The following TMEM132D variants were observed in gnomAD, a reference collection of about 807,000 sequenced individuals.
TMEM132D encodes transmembrane protein 132D, also known as mature OL transmembrane protein.
A neutral mutation model predicts 62.3 loss-of-function variants in TMEM132D; 21 were observed. The ratio of observed to expected loss-of-function variants is 0.34; its 90% CI spans 0.24 to 0.49. TMEM132D has a LOEUF of 0.49. Among genes scored for constraint, TMEM132D ranks in the 20% least tolerant of loss-of-function variants. The pLI is 0.99. For missense variants in TMEM132D, 1,346 were observed against 1,402.8 expected, an observed-to-expected ratio of 0.96 and a Z score of 0.65; for synonymous variants, 621 against 575.6, an observed-to-expected ratio of 1.08 and a Z score of -1.13.
intron 3 of TMEM132D, among the ~76,000 whole-genome samples, chr12:129,445,585 G>T (rs1462173101): frequency 6.6e-6 from 1 of 152,104 alleles, no homozygotes; most frequent in Admixed American, 6.6e-5. Flanking sequence ...AAGGAGAGAG[G>T]TGAAATTATA....
At chr12:129,812,700 T>C (rs1468515698) in intron 1 of TMEM132D, among the ~76,000 whole-genome samples, 1 of 151,780 alleles carries the variant, frequency 6.6e-6, no homozygotes, top group African/African-American at 2.4e-5. Flanking sequence ...AAATCTATAA[T>C]GCCACAAATT....
intron 2 of TMEM132D, among the ~76,000 whole-genome samples, chr12:129,668,531 A>T (rs1276428313): frequency 6.6e-6 from 1 of 151,898 alleles, no homozygotes; most frequent in Non-Finnish European, 1.5e-5. Flanking sequence ...AACTTCTAGG[A>T]CTCTCATGGA....
At chr12:129,200,978 T>C (rs1593294111) in intron 5 of TMEM132D, among the ~76,000 whole-genome samples, 2 of 152,206 alleles carry the variant, frequency 1.3e-5, no homozygotes, top group Admixed American at 6.5e-5. Flanking sequence ...CTTAGGAGAA[T>C]GTGTCAAGCT....
At chr12:129,495,619 G>A (rs1158599682) in intron 3 of TMEM132D, among the ~76,000 whole-genome samples, 1 of 152,150 alleles carries the variant, frequency 6.6e-6, no homozygotes, top group Middle Eastern at 3.2e-3. Context: ...CCCGAGTCAC[G>A]TCCCTTTCTC....
At chr12:129,876,352 C>G (rs1166133126) in intron 1 of TMEM132D, among the ~76,000 whole-genome samples, 1 of 152,154 alleles carries the variant, frequency 6.6e-6, no homozygotes, top group Non-Finnish European at 1.5e-5. Context: ...AACAAGCAAA[C>G]CATTATTTCC....
At chr12:129,433,639 G>A (rs1872719423) in intron 3 of TMEM132D, among the ~76,000 whole-genome samples, 1 of 152,172 alleles carries the variant, frequency 6.6e-6, no homozygotes, top group South Asian at 2.1e-4. Flanking sequence ...ATTTAGAGAA[G>A]CAAGAGTATC....
In TMEM132D at chr12:129,888,613, A is replaced by G. The variant is rs181289929; in HGVS notation, c.79+14648T>C. Among the ~76,000 whole-genome samples the G allele has an allele frequency of 1.6e-3, 238 of 152,322 alleles. 1 individual carries two copies. Among genetic ancestry groups the G allele is most frequent in the Admixed American group, 2.4e-3 (37 of 15,302 alleles). On this transcript the variant is annotated intron_variant, in intron 1 of 8. Transcript: ENST00000422113. ...CAGCTACTCAGGAGGCTGAGGCAGG[A>G]GAATCACTTGAACCCAGGAGACAGA...
chr12:129,334,490 TG>T (rs753080601), intron 4 of TMEM132D, among the ~76,000 whole-genome samples: 5 of 152,220 alleles, frequency 3.3e-5, no homozygotes, highest in Non-Finnish European at 5.9e-5. Context: ...CACCTTGCTC[TG>T]GGAAGACTCA....
At chr12:129,489,493 T>C (rs1490612588) in intron 3 of TMEM132D, among the ~76,000 whole-genome samples, 1 of 152,242 alleles carries the variant, frequency 6.6e-6, no homozygotes, top group Non-Finnish European at 1.5e-5. Context: ...TACAATAAAA[T>C]GATAAAGAAT....
chr12:129,504,054 C>G (rs1875254218), intron 3 of TMEM132D, among the ~76,000 whole-genome samples: 1 of 151,898 alleles, frequency 6.6e-6, no homozygotes, highest in South Asian at 2.1e-4. Context: ...TCATCATCAT[C>G]ATTGTCATCA....
intron 1 of TMEM132D, among the ~76,000 whole-genome samples, chr12:129,767,148 C>T (rs969212124): frequency 1.3e-5 from 2 of 152,208 alleles, no homozygotes; most frequent in Non-Finnish European, 2.9e-5. Context: ...AGCCAAGAAG[C>T]TGCCCTGTAT....
At chr12:129,079,007 T>C (rs900897380) in intron 7 of TMEM132D, among the ~76,000 whole-genome samples, 1 of 152,070 alleles carries the variant, frequency 6.6e-6, no homozygotes. Context: ...CCCACCATGC[T>C]CCATCCTGGA....
intron 1 of TMEM132D, among the ~76,000 whole-genome samples, chr12:129,815,035 G>A (rs1872304747): frequency 6.6e-6 from 1 of 152,114 alleles, no homozygotes; most frequent in East Asian, 1.9e-4. Context: ...TCTCCCTCAT[G>A]AGCTTAAGAG....
At chr12:129,586,957 TA>T (rs1878047714) in intron 2 of TMEM132D, among the ~76,000 whole-genome samples, 2 of 152,160 alleles carry the variant, frequency 1.3e-5, no homozygotes, top group Admixed American at 1.3e-4. Flanking sequence ...ACAGTCAAAA[TA>T]CATTAATCCC....
intron 1 of TMEM132D, among the ~76,000 whole-genome samples, chr12:129,794,076 GTTT>G (rs71082755): frequency 6.9e-6 from 1 of 145,504 alleles, no homozygotes. Context: ...AAGTGTATGG[GTTT>G]TTTTTTTTCT....
Position 129,491,941 on chromosome 12 carries a change from C to CAAAAA in TMEM132D, c.1115+39113_1115+39117dup, listed in dbSNP as rs10673817. ...TGGGAAAGAGAGTGAGATTCTGTCT[C>CAAAAA]AAAAAAAAAAAATTGCTTATTGGAA... is the stretch of plus-strand genomic sequence containing the variant. On this transcript the variant is annotated intron_variant, in intron 3 of 8. Coordinates refer to ENST00000422113, the MANE Select transcript of TMEM132D (RefSeq NM_133448.3). Among the ~76,000 whole-genome samples, 151 of 149,282 alleles carry CAAAAA rather than the reference C, an allele frequency of 1.0e-3. 1 individual carries two copies. The highest frequency in any genetic ancestry group is 3.6e-3 in the African/African-American group (148 of 40,904).
At chr12:129,771,792 A>G (rs1870763216) in intron 1 of TMEM132D, among the ~76,000 whole-genome samples, 1 of 152,252 alleles carries the variant, frequency 6.6e-6, no homozygotes, top group African/African-American at 2.4e-5. Context: ...GAATTCAGGT[A>G]AACCTGTCAA....
chr12:129,882,215 CA>C (rs367849171), intron 1 of TMEM132D, among the ~76,000 whole-genome samples: 66 of 152,108 alleles, frequency 4.3e-4, no homozygotes, highest in African/African-American at 1.6e-3. Flanking sequence ...GTTCTAGCTC[CA>C]AATGTGTAGT....
chr12:129,732,428 T>C (rs1381161872), intron 1 of TMEM132D, among the ~76,000 whole-genome samples: 1 of 152,176 alleles, frequency 6.6e-6, no homozygotes, highest in Non-Finnish European at 1.5e-5. Flanking sequence ...GCATCCCCAG[T>C]GCTGGAGGTA....
Sources: allele counts gnomAD v4.1 joint callset (sites outside exome capture counted in the v4.1 genomes callset), GRCh38; gene constraint gnomAD v4.1.1; transcripts MANE v1.5; gene names NCBI Gene and HGNC (gene_info 2026-07-23, HGNC 2026-07-21).